The following ASTN2 variants were observed in gnomAD, a reference collection of about 807,000 sequenced individuals.
ASTN2 encodes astrotactin-2.
Under a neutral mutation model 139.8 loss-of-function variants are expected in ASTN2, and 54 were observed. The observed-to-expected ratio is 0.39, with a 90% CI of 0.31 to 0.48. The LOEUF is 0.48. Among genes scored for constraint, ASTN2 ranks in the 20% least tolerant of loss-of-function variants. The pLI, the probability that ASTN2 is intolerant of heterozygous loss-of-function variation, is 0.95. For missense variants in ASTN2, 1,565 were observed against 1,725.1 expected (o/e 0.91, Z 1.64); for synonymous variants, 756 against 719.5 (o/e 1.05, Z -0.81).
chr9:117,255,079 T>C (rs1833648069), intron 2 of ASTN2, among the ~76,000 whole-genome samples: 1 of 152,196 alleles, frequency 6.6e-6, no homozygotes. Flanking sequence ...TGAAGAGGTG[T>C]TGGGGGTCCA....
intron 19 of ASTN2, among the ~76,000 whole-genome samples, chr9:116,567,201 A>G (rs1052478835): frequency 6.6e-6 from 1 of 152,190 alleles, no homozygotes; most frequent in Non-Finnish European, 1.5e-5. Context: ...CAACATATAA[A>G]TACTTCCACC....
intron 16 of ASTN2, among the ~76,000 whole-genome samples, chr9:116,723,810 C>A (rs1240241179): frequency 1.3e-5 from 2 of 152,202 alleles, no homozygotes; most frequent in Admixed American, 1.3e-4. Context: ...ATCCTCTGTC[C>A]TTTTCTTGGG....
chr9:117,108,500 A>G (rs2132781358), intron 4 of ASTN2, among the ~76,000 whole-genome samples: 1 of 147,790 alleles, frequency 6.8e-6, no homozygotes, highest in Non-Finnish European at 1.5e-5. Context: ...TTGGGAGCCC[A>G]TAATGTGCCT....
chr9:117,040,857 A>G (rs565105096), intron 5 of ASTN2, among the ~76,000 whole-genome samples: 2 of 152,316 alleles, frequency 1.3e-5, no homozygotes, highest in African/African-American at 4.8e-5. Context: ...GAAGAGTTTC[A>G]CGGTTAGAAG....
At chr9:116,501,905 C>T (rs914901864) in intron 19 of ASTN2, among the ~76,000 whole-genome samples, 55 of 151,960 alleles carry the variant, frequency 3.6e-4, no homozygotes, top group African/African-American at 1.3e-3. Context: ...TGAGCCCATC[C>T]CATTCCCCAA....
At chr9:116,941,902 A>G (rs2132470040) in intron 10 of ASTN2, among the ~76,000 whole-genome samples, 1 of 151,966 alleles carries the variant, frequency 6.6e-6, no homozygotes, top group South Asian at 2.1e-4. Context: ...CGACATGAGC[A>G]GAGAGGTAGG....
At chr9:116,857,099 C>G (rs1832759999) in intron 11 of ASTN2, among the ~76,000 whole-genome samples, 1 of 152,166 alleles carries the variant, frequency 6.6e-6, no homozygotes, top group African/African-American at 2.4e-5. Context: ...ATATCTGGCT[C>G]ATATTATTAC....
intron 13 of ASTN2, among the ~76,000 whole-genome samples, chr9:116,740,051 G>A (rs1829056714): frequency 6.6e-6 from 1 of 152,178 alleles, no homozygotes; most frequent in East Asian, 1.9e-4. Context: ...TTGGACAGAG[G>A]GGCCAGGGGC....
intron 5 of ASTN2, among the ~76,000 whole-genome samples, chr9:117,063,345 C>A (rs1021239815): frequency 1.3e-5 from 2 of 152,116 alleles, no homozygotes; most frequent in Non-Finnish European, 2.9e-5. Flanking sequence ...CCATGTATTA[C>A]GGGAGGGACC....
chr9:116,621,221 C>G (rs183759858), intron 17 of ASTN2, among the ~76,000 whole-genome samples: 3 of 152,092 alleles, frequency 2.0e-5, no homozygotes, highest in Non-Finnish European at 2.9e-5. Flanking sequence ...CTTAACACTG[C>G]CTTTGTAGCA....
chr9:117,128,129 T>G (rs1333428276), intron 4 of ASTN2, among the ~76,000 whole-genome samples: 1 of 152,034 alleles, frequency 6.6e-6, no homozygotes, highest in Non-Finnish European at 1.5e-5. Flanking sequence ...ATAAGCCAGT[T>G]TACTGGTCTG....
intron 10 of ASTN2, among the ~76,000 whole-genome samples, chr9:116,896,278 T>C (rs7024296): frequency 0.99 from 150,512 of 152,336 alleles, 74,386 homozygotes; most frequent in East Asian, 1. Context: ...ATGTATTAGT[T>C]CATTTTCATA....
Position 116,425,697 on chromosome 9 carries a change from C to A in ASTN2, c.*154G>T, listed in dbSNP as rs1266027851. ...TACAAAGGTCTCTGTCCACTATCCA[C>A]AGGAGAAACCGTTTGCTTTGGCCTT... is the stretch of plus-strand genomic sequence containing the variant. On this transcript the variant is annotated 3_prime_UTR_variant, in exon 23 of 23. Transcript: ENST00000313400. 1.9e-6 allele frequency: 3 copies of A among 1,607,482 alleles called. No individual in the cohort carries two copies. The highest frequency in any genetic ancestry group is 2.5e-6 in the Non-Finnish European group (3 of 1,177,800).
chr9:116,854,663 T>C (rs1832691923), intron 11 of ASTN2, among the ~76,000 whole-genome samples: 1 of 150,846 alleles, frequency 6.6e-6, no homozygotes, highest in Non-Finnish European at 1.5e-5. Context: ...TTTTTTTTTT[T>C]TTTTTTTGAG....
intron 19 of ASTN2, among the ~76,000 whole-genome samples, chr9:116,571,585 T>C (rs954044512): frequency 3.9e-5 from 6 of 152,214 alleles, no homozygotes; most frequent in African/African-American, 1.4e-4. Flanking sequence ...CTGTTTGTGC[T>C]GGGTGGATCC....
intron 1 of ASTN2, among the ~76,000 whole-genome samples, chr9:117,389,546 A>T (rs1830490408): frequency 6.6e-6 from 1 of 152,074 alleles, no homozygotes; most frequent in African/African-American, 2.4e-5. Flanking sequence ...GGGTATGGGC[A>T]CCCTTTGTCT....
chr9:117,358,469 C>T (rs545727088), intron 1 of ASTN2, among the ~76,000 whole-genome samples: 1 of 152,058 alleles, frequency 6.6e-6, no homozygotes, highest in Non-Finnish European at 1.5e-5. Context: ...GGCCTGATAG[C>T]ACAATGAGAA....
chr9:117,362,743 T>C (rs1003313059), intron 1 of ASTN2, among the ~76,000 whole-genome samples: 18 of 152,174 alleles, frequency 1.2e-4, no homozygotes, highest in Non-Finnish European at 2.6e-4. Context: ...CTGGGCAATC[T>C]GGTAGGAATG....
intron 11 of ASTN2, among the ~76,000 whole-genome samples, chr9:116,839,852 T>TTCA (rs1461632410): frequency 2.3e-5 from 3 of 132,642 alleles, no homozygotes; most frequent in African/African-American, 3.1e-5. Context: ...TTTATTTTAT[T>TTCA]TTATTTCATT....
Sources: gnomAD v4.1 joint callset for allele counts (sites outside exome capture counted in the v4.1 genomes callset) on GRCh38, gnomAD v4.1.1 for gene constraint, MANE v1.5 for transcripts, NCBI Gene and HGNC (gene_info 2026-07-23, HGNC 2026-07-21) for gene names.